Variants in ATRNL1 observed in about 807,000 individuals in gnomAD.
The protein encoded by ATRNL1 is attractin-like protein 1.
Under a neutral mutation model 182.7 loss-of-function variants are expected in ATRNL1, and 95 were observed. That is an observed-to-expected ratio of 0.52 (90% CI 0.44 to 0.62). The LOEUF (loss-of-function observed/expected upper bound fraction) is 0.62. Among genes scored for constraint, ATRNL1 ranks in the 20% least tolerant of loss-of-function variants. The pLI, the probability that ATRNL1 is intolerant of heterozygous loss-of-function variation, is 0.00. For synonymous variants in ATRNL1, 576 were observed against 568.3 expected, an observed-to-expected ratio of 1.01 and a Z score of -0.19; for missense variants, 1,471 against 1,679.5, an observed-to-expected ratio of 0.88 and a Z score of 2.17.
chr10:115,721,305 T>G (rs921915925), intron 26 of ATRNL1, among the ~76,000 whole-genome samples: 4 of 152,232 alleles, frequency 2.6e-5, no homozygotes, highest in Non-Finnish European at 5.9e-5. Context: ...ATAACGTATT[T>G]ACTTTGATAC....
At chr10:115,121,588 T>A (rs1844737713) in intron 2 of ATRNL1, 111 bp from the exon 3 acceptor site, 1 of 406,552 alleles carries the variant, frequency 2.5e-6, no homozygotes, top group Non-Finnish European at 4.3e-6. Context: ...AAATACCCTA[T>A]CTAAAGTTTC....
chr10:115,108,624 T>A (rs1258594189), intron 1 of ATRNL1, among the ~76,000 whole-genome samples: 1 of 152,224 alleles, frequency 6.6e-6, no homozygotes, highest in Non-Finnish European at 1.5e-5. Flanking sequence ...CAGCATCATC[T>A]TGTCTGCTCC....
chr10:115,188,066 AGAGGGAGAAAGGGG>A (rs1334568369), intron 8 of ATRNL1, among the ~76,000 whole-genome samples: 5 of 91,354 alleles, frequency 5.5e-5, no homozygotes, highest in Admixed American at 4.2e-4. Context: ...GGGGAGGGGG[AGAGGGAGAAAGGGG>A]GAGGGAGAAA....
chr10:115,689,676 T>C (rs76470764), intron 26 of ATRNL1, among the ~76,000 whole-genome samples: 3,989 of 152,174 alleles, frequency 0.026, 148 homozygotes, highest in African/African-American at 0.089. Flanking sequence ...ACCAGGAAAG[T>C]ATGTATCTCT....
intron 27 of ATRNL1, among the ~76,000 whole-genome samples, chr10:115,807,163 A>G (rs1565396366): frequency 1.4e-5 from 2 of 147,920 alleles, no homozygotes; most frequent in Non-Finnish European, 3.0e-5. Context: ...GCTGGAGTGC[A>G]GTGGTGTAGT....
intron 5 of ATRNL1, among the ~76,000 whole-genome samples, chr10:115,155,218 G>A (rs782499242): frequency 6.6e-6 from 1 of 151,434 alleles, no homozygotes; most frequent in Non-Finnish European, 1.5e-5. Context: ...CCTGCAGTTG[G>A]ATCATGTTTT....
chr10:115,306,728 T>G (rs1172803367), intron 17 of ATRNL1, among the ~76,000 whole-genome samples: 1 of 149,950 alleles, frequency 6.7e-6, no homozygotes, highest in African/African-American at 2.5e-5. Flanking sequence ...ATTTCTTAAC[T>G]CTGTTTGCAT....
chr10:115,160,295 G>C (rs782654612), intron 6 of ATRNL1, 81 bp downstream of exon 6: 1 of 1,335,436 alleles, frequency 7.5e-7, no homozygotes, highest in South Asian at 1.4e-5. Context: ...ATTGTTGTCC[G>C]AGAGTAAAAG....
At chr10:115,445,525 G>A (rs1348508333) in intron 21 of ATRNL1, among the ~76,000 whole-genome samples, 1 of 148,858 alleles carries the variant, frequency 6.7e-6, no homozygotes, top group African/African-American at 2.5e-5. Context: ...GTGTGTGTGT[G>A]TGTGTGTGTG....
intron 26 of ATRNL1, among the ~76,000 whole-genome samples, chr10:115,631,322 A>G (rs1858494391): frequency 6.6e-6 from 1 of 152,098 alleles, no homozygotes; most frequent in Non-Finnish European, 1.5e-5. Context: ...TATATTGTAT[A>G]CCTTAAACAT....
chr10:115,263,074 C>A (rs1851458772), intron 10 of ATRNL1, among the ~76,000 whole-genome samples: 1 of 151,656 alleles, frequency 6.6e-6, no homozygotes, highest in South Asian at 2.1e-4. Context: ...GGAAAAAAAT[C>A]TTTAAAAAGG....
intron 19 of ATRNL1, among the ~76,000 whole-genome samples, chr10:115,372,332 GA>G (rs1564968700): frequency 6.6e-6 from 1 of 152,080 alleles, no homozygotes; most frequent in East Asian, 1.9e-4. Flanking sequence ...TCACTGTGTG[GA>G]TTGCTTCTTT....
In ATRNL1 at chr10:115,675,907, C is replaced by T. The variant is rs74158248; in HGVS notation, c.3796-51341C>T. 5.2e-3 allele frequency among the ~76,000 whole-genome samples: 795 copies of T among 152,098 alleles called. 7 individuals carry two copies. The highest frequency in any genetic ancestry group is 0.018 in the African/African-American group (766 of 41,514). The stretch of plus-strand genomic sequence containing the variant: ...GCTAGTGAGCTAGAAAACAGTAAGT[C>T]GAGATCGCAGGAATCCAGGCCGTCT... On this transcript the variant is annotated intron_variant, in intron 26 of 28. Transcript: ENST00000355044.
chr10:115,824,155 C>A (rs1200548413), intron 27 of ATRNL1, among the ~76,000 whole-genome samples: 2 of 152,130 alleles, frequency 1.3e-5, no homozygotes, highest in Non-Finnish European at 2.9e-5. Context: ...TTTGACAAAC[C>A]TGACAAAAAC....
At chr10:115,264,171 G>A (rs1342545692) in intron 10 of ATRNL1, among the ~76,000 whole-genome samples, 2 of 151,206 alleles carry the variant, frequency 1.3e-5, no homozygotes, top group African/African-American at 4.8e-5. Context: ...CCATGTTGGT[G>A]TTCAGCATCA....
chr10:115,683,184 T>A (rs1946106167), intron 26 of ATRNL1, among the ~76,000 whole-genome samples: 1 of 152,114 alleles, frequency 6.6e-6, no homozygotes, highest in Admixed American at 6.6e-5. Flanking sequence ...TTAAATATAT[T>A]TGTCTGCCAA....
intron 9 of ATRNL1, among the ~76,000 whole-genome samples, chr10:115,226,402 CTG>C (rs1266546701): frequency 1.3e-5 from 2 of 151,798 alleles, no homozygotes; most frequent in Non-Finnish European, 2.9e-5. Context: ...AAATGATAGA[CTG>C]AACTATATTT....
At chr10:115,387,200 C>G (rs1479807170) in intron 19 of ATRNL1, among the ~76,000 whole-genome samples, 1 of 152,076 alleles carries the variant, frequency 6.6e-6, no homozygotes, top group Non-Finnish European at 1.5e-5. Context: ...GTCTTAAGAT[C>G]AGATGAGTAA....
chr10:115,374,816 C>A (rs1857586348), intron 19 of ATRNL1, among the ~76,000 whole-genome samples: 1 of 151,854 alleles, frequency 6.6e-6, no homozygotes, highest in Non-Finnish European at 1.5e-5. Context: ...TAATTTACTA[C>A]CATTGTGGTT....
Sources: allele counts gnomAD v4.1 joint callset (sites outside exome capture counted in the v4.1 genomes callset), GRCh38; gene constraint gnomAD v4.1.1; transcripts MANE v1.5; gene names NCBI Gene and HGNC (gene_info 2026-07-23, HGNC 2026-07-21).